The following SDK1 variants were observed in gnomAD, a reference collection of about 807,000 sequenced individuals.
The protein encoded by SDK1 is sidekick cell adhesion molecule 1.
Under a neutral mutation model 245.5 loss-of-function variants are expected in SDK1, and 157 were observed. The ratio of observed to expected loss-of-function variants is 0.64; its 90% CI spans 0.56 to 0.73. The LOEUF (loss-of-function observed/expected upper bound fraction) is 0.73. Among genes scored for constraint, SDK1 ranks in the 30% least tolerant of loss-of-function variants. The pLI, the probability that SDK1 is intolerant of heterozygous loss-of-function variation, is 0.00. For missense variants in SDK1, 3,583 were observed against 3,002.3 expected (o/e 1.19, Z -4.52); for synonymous variants, 1,647 against 1,278.5 (o/e 1.29, Z -6.15).
intron 1 of SDK1, among the ~76,000 whole-genome samples, chr7:3,434,762 G>A (rs950088943): frequency 6.6e-6 from 1 of 152,110 alleles, no homozygotes; most frequent in Non-Finnish European, 1.5e-5. Context: ...CTGCTTTTGG[G>A]GTTCAGAGTT....
chr7:3,347,259 T>G (rs1434153651), intron 1 of SDK1, among the ~76,000 whole-genome samples: 1 of 152,072 alleles, frequency 6.6e-6, no homozygotes, highest in East Asian at 1.9e-4. Flanking sequence ...TGTAGTACTC[T>G]GACAACACTT....
chr7:3,395,450 G>A (rs1230010392), intron 1 of SDK1, among the ~76,000 whole-genome samples: 4 of 151,654 alleles, frequency 2.6e-5, no homozygotes, highest in East Asian at 1.9e-4. Flanking sequence ...AATTTGTCTC[G>A]CTTTGCTATC....
intron 19 of SDK1, among the ~76,000 whole-genome samples, chr7:4,056,907 A>G (rs946361632): frequency 3.3e-5 from 5 of 151,924 alleles, no homozygotes; most frequent in Middle Eastern, 3.2e-3. Context: ...CTGCATCTCC[A>G]TATTCTGCAG....
intron 44 of SDK1, among the ~76,000 whole-genome samples, chr7:4,250,608 A>C (rs1776851130): frequency 6.6e-6 from 1 of 152,028 alleles, no homozygotes. Context: ...GCCTCCCAAA[A>C]TGCTGGGATT....
intron 4 of SDK1, among the ~76,000 whole-genome samples, chr7:3,645,943 C>T (rs575233404): frequency 6.6e-6 from 1 of 152,190 alleles, no homozygotes; most frequent in African/African-American, 2.4e-5. Context: ...ACTGCAACCT[C>T]TGCCTCCCGA....
At chr7:3,420,929 C>T (rs183359444) in intron 1 of SDK1, among the ~76,000 whole-genome samples, 3 of 152,266 alleles carry the variant, frequency 2.0e-5, no homozygotes, top group Admixed American at 2.0e-4. Flanking sequence ...TGATAGGCCC[C>T]AGTGTGTGTT....
At chr7:3,644,788 A>AAAAG (rs1782772252) in intron 4 of SDK1, among the ~76,000 whole-genome samples, 1 of 121,244 alleles carries the variant, frequency 8.2e-6, no homozygotes, top group African/African-American at 2.9e-5. Flanking sequence ...AAAAAAAAAA[A>AAAAG]AAAACAAAAA....
In SDK1 at chr7:3,950,911, T is replaced by C. The variant is rs749208126; in HGVS notation, c.848-12T>C. 2 of 1,606,766 alleles carry C rather than the reference T, an allele frequency of 1.2e-6. No homozygotes were observed. The highest frequency in any genetic ancestry group is 2.2e-5 in the East Asian group (1 of 44,840). On this transcript the variant is annotated splice_polypyrimidine_tract_variant and intron_variant, in intron 5 of 44. Transcript: ENST00000404826. Reference sequence around the variant, plus strand: ...TAGAGTTTCATGGACATTTCTCTTTTCTCTGCCACAGGAGATGTTGGCACA... The same window carrying C: ...TAGAGTTTCATGGACATTTCTCTTTCCTCTGCCACAGGAGATGTTGGCACA...
chr7:3,634,200 G>T (rs1299483802), intron 2 of SDK1, among the ~76,000 whole-genome samples: 1 of 152,118 alleles, frequency 6.6e-6, no homozygotes. Flanking sequence ...AGCTCATAGG[G>T]TGGCAGATTC....
At chr7:3,907,896 TTTGA>T (rs927018393) in intron 5 of SDK1, among the ~76,000 whole-genome samples, 89 of 152,206 alleles carry the variant, frequency 5.8e-4, no homozygotes, top group Admixed American at 5.5e-3. Flanking sequence ...ACTAGAATAC[TTTGA>T]TTGAGCAAGG....
chr7:3,517,507 C>T (rs74624639), intron 1 of SDK1, among the ~76,000 whole-genome samples: 1 of 152,138 alleles, frequency 6.6e-6, no homozygotes, highest in African/African-American at 2.4e-5. Flanking sequence ...CTTTTGCTTG[C>T]TTCCTGCAGG....
At chr7:3,485,502 G>T (rs1583931191) in intron 1 of SDK1, among the ~76,000 whole-genome samples, 1 of 152,114 alleles carries the variant, frequency 6.6e-6, no homozygotes, top group South Asian at 2.1e-4. Context: ...GCCTGGGGAT[G>T]AGGTACCAGG....
At chr7:3,913,356 C>T (rs1204349241) in intron 5 of SDK1, among the ~76,000 whole-genome samples, 2 of 149,462 alleles carry the variant, frequency 1.3e-5, no homozygotes, top group Non-Finnish European at 3.0e-5. Flanking sequence ...TGCAGTGGCA[C>T]GATCTCGGCT....
chr7:3,619,851 G>A (rs1411442789), intron 2 of SDK1, among the ~76,000 whole-genome samples: 2 of 152,242 alleles, frequency 1.3e-5, no homozygotes, highest in African/African-American at 4.8e-5. Context: ...CTGTGGCAGA[G>A]CACAAGATCA....
rs1282160406 is a variant in SDK1, at chr7:3,909,269, G to A, written c.848-41654G>A. Among the ~76,000 whole-genome samples the A allele has an allele frequency of 2.6e-5, 4 of 152,234 alleles. No homozygotes were observed. The East Asian group carries it at 5.8e-4, about 22-fold the overall frequency. ...CTAGTTCAGCTCTGCTCTCCAGCAG[G>A]CTCTCTCGGGTGGTGACCAGATGGC... On this transcript the variant is annotated intron_variant, in intron 5 of 44. Coordinates refer to ENST00000404826, the MANE Select transcript of SDK1 (RefSeq NM_152744.4).
Position 4,266,989 on chromosome 7 carries a change from T to C in SDK1, c.*1605T>C. 1.0e-6 allele frequency: 1 copy of C among 985,514 alleles called. No homozygotes were observed. Among genetic ancestry groups the C allele is most frequent in the Non-Finnish European group, 1.2e-6 (1 of 830,006 alleles). 61.0% of individuals were successfully genotyped at this position (985,514 alleles called of 1,614,324 possible). On this transcript the variant is annotated 3_prime_UTR_variant, in exon 45 of 45. Coordinates refer to ENST00000404826, the MANE Select transcript of SDK1 (RefSeq NM_152744.4). ...GTCTCCTGGCCACATGCAGAAAGTG[T>C]GGCCCCTGCTTACCTAGATGTTTTG...
chr7:3,622,275 C>T (rs7782934), intron 2 of SDK1, among the ~76,000 whole-genome samples: 47,339 of 151,842 alleles, frequency 0.31, 7,537 homozygotes, highest in South Asian at 0.45. Flanking sequence ...GTCAGGAGTT[C>T]GACACCACCA....
intron 16 of SDK1, 39 bp from the exon 17 acceptor site, chr7:4,017,132 G>T (rs766164673): frequency 1.9e-6 from 3 of 1,568,234 alleles, no homozygotes; most frequent in Non-Finnish European, 2.6e-6. Context: ...CCTGGGTCCA[G>T]TTATTTCCTT....
At chr7:4,080,206 C>T (rs1026982885) in intron 22 of SDK1, among the ~76,000 whole-genome samples, 34 of 151,956 alleles carry the variant, frequency 2.2e-4, no homozygotes, top group Non-Finnish European at 3.5e-4. Context: ...GAGCTGGGGG[C>T]GGGTTCCACA....
Sources: gnomAD v4.1 joint callset for allele counts (sites outside exome capture counted in the v4.1 genomes callset) on GRCh38, gnomAD v4.1.1 for gene constraint, MANE v1.5 for transcripts, NCBI Gene and HGNC (gene_info 2026-07-23, HGNC 2026-07-21) for gene names.